NEB: variants seen among roughly 807,000 people sequenced by gnomAD.
NEB encodes nemaline myopathy type 2.
In NEB, 512 loss-of-function variants were observed where a neutral mutation model predicts 952.2. The observed-to-expected ratio is 0.54, with a 90% CI of 0.50 to 0.58. NEB has a LOEUF of 0.58. Ranked by LOEUF, NEB falls within the 20% of genes least tolerant of loss-of-function variation. NEB has a pLI of 0.00. For synonymous variants in NEB, 2,900 were observed against 3,149.8 expected (o/e 0.92, Z 2.66); for missense variants, 8,428 against 9,231.1 (o/e 0.91, Z 3.56).
At chr2:151,515,000 GAAAA>G in intron 157 of NEB, 72 bp from the exon 158 acceptor site, 1 of 837,124 alleles carries the variant, frequency 1.2e-6, no homozygotes, top group Non-Finnish European at 1.8e-6. Context: ...ATCTCAGGAA[GAAAA>G]AAAAAACAGC....
intron 169 of NEB, 94 bp from the exon 170 acceptor site, chr2:151,498,446 G>GTTAAA: frequency 1.3e-6 from 1 of 795,670 alleles, no homozygotes; most frequent in Non-Finnish European, 2.0e-6. Context: ...GGGAGGAAGA[G>GTTAAA]AGTAAGTTAG....
chr2:151,682,241 T>G (rs940939243), intron 29 of NEB, among the ~76,000 whole-genome samples: 1 of 152,168 alleles, frequency 6.6e-6, no homozygotes, highest in Non-Finnish European at 1.5e-5. Flanking sequence ...TTTTGGGGTA[T>G]TGCAGCATTT....
At chr2:151,641,616 C>T (rs1236549727) in intron 60 of NEB, among the ~76,000 whole-genome samples, 1 of 152,150 alleles carries the variant, frequency 6.6e-6, no homozygotes, top group Non-Finnish European at 1.5e-5. Context: ...CAGGTGTGAG[C>T]CATGGTGCCT....
chr2:151,506,102 T>C, intron 164 of NEB, 64 bp downstream of exon 164: 1 of 1,350,670 alleles, frequency 7.4e-7, no homozygotes, highest in South Asian at 1.2e-5. Context: ...GTGCAACTCA[T>C]AGGTCATTGT....
At chr2:151,540,646 CAAAGTATTTT>C (rs1338712901) in intron 137 of NEB, 41 bp downstream of exon 137, 1 of 1,518,558 alleles carries the variant, frequency 6.6e-7, no homozygotes, top group Admixed American at 1.7e-5. Flanking sequence ...AAGGTTTTAA[CAAAGTATTTT>C]TCTTTTTACC....
intron 165 of NEB, among the ~76,000 whole-genome samples, chr2:151,504,677 C>A (rs548306000): frequency 6.6e-6 from 1 of 152,266 alleles, no homozygotes; most frequent in East Asian, 1.9e-4. Flanking sequence ...AAACTATTTC[C>A]CAAACTTCAC....
At chr2:151,691,598 T>C (rs2099551384) in intron 23 of NEB, among the ~76,000 whole-genome samples, 1 of 152,198 alleles carries the variant, frequency 6.6e-6, no homozygotes, top group South Asian at 2.1e-4. Flanking sequence ...ACACTTATCT[T>C]AAATCTGCAT....
chr2:151,546,651 C>T (rs1437866033), intron 133 of NEB, among the ~76,000 whole-genome samples: 2 of 151,624 alleles, frequency 1.3e-5, no homozygotes, highest in East Asian at 3.9e-4. Context: ...CTCCGCCTCC[C>T]GAGTTCAAGC....
chr2:151,663,478 C>T, intron 45 of NEB, 70 bp downstream of exon 45: 1 of 1,425,702 alleles, frequency 7.0e-7, no homozygotes, highest in Non-Finnish European at 9.5e-7. Flanking sequence ...TTCAAAACGT[C>T]ATTGCTTATG....
chr2:151,653,796 C>T (rs1305056071), intron 52 of NEB, among the ~76,000 whole-genome samples, 196 bp downstream of exon 52: 3 of 152,044 alleles, frequency 2.0e-5, no homozygotes, highest in Non-Finnish European at 4.4e-5. Context: ...TCTGGCCCGA[C>T]CTCTATTCAG....
chr2:151,644,735 C>G (rs2098931812), intron 55 of NEB, among the ~76,000 whole-genome samples, 160 bp from the exon 56 acceptor site: 1 of 152,150 alleles, frequency 6.6e-6, no homozygotes, highest in Admixed American at 6.5e-5. Context: ...TGCTAATGAT[C>G]CTGTTTTAAA....
chr2:151,563,989 T>C, intron 117 of NEB, 59 bp from the exon 118 acceptor site: 1 of 1,253,538 alleles, frequency 8.0e-7, no homozygotes, highest in Non-Finnish European at 1.1e-6. Context: ...CAGATACCAC[T>C]AAAACAATTG....
chr2:151,676,368 G>A (rs547642912), intron 34 of NEB, among the ~76,000 whole-genome samples: 3 of 152,104 alleles, frequency 2.0e-5, no homozygotes, highest in East Asian at 1.9e-4. Flanking sequence ...CTTGGATTTC[G>A]GTGACAGCCT....
chr2:151,670,512 C>A (rs2099272900), intron 38 of NEB, among the ~76,000 whole-genome samples: 1 of 146,808 alleles, frequency 6.8e-6, no homozygotes, highest in South Asian at 2.1e-4. Context: ...TGTAAGAGTC[C>A]ATACAGACGT....
chr2:151,512,786 C>G lies in NEB; in HGVS notation c.23293G>C (p.Val7765Leu). 1.2e-6 allele frequency: 2 copies of G among 1,613,868 alleles called. No homozygotes were observed. Among genetic ancestry groups the G allele is most frequent in the Non-Finnish European group, 1.7e-6 (2 of 1,179,844 alleles). ...EMEKANFTSVVDTPEIIHAQQ... is the reference protein window; with the variant it reads ...EMEKANFTSVLDTPEIIHAQQ... ...GCATGAATGATCTCTGGAGTATCAA[C>G]CACAGAAGTGAAATTGGCTTTCTCC... Residue 7765 changes from valine to leucine, a missense_variant, in exon 161 of 182, where the codon GTT becomes CTT. Physicochemically the swap from Val to Leu is conservative, Grantham distance 32. Coordinates refer to ENST00000397345, the MANE Select transcript of NEB (RefSeq NM_001164508.2).
chr2:151,636,175 G>T, intron 64 of NEB, 52 bp downstream of exon 64: 1 of 1,448,900 alleles, frequency 6.9e-7, no homozygotes, highest in Non-Finnish European at 9.5e-7. Flanking sequence ...TTAGTTCAGT[G>T]AAAATGCCAC....
rs2149260644 is a variant in NEB, at chr2:151,694,512, C to T, written c.1782+10G>A. 1.9e-6 allele frequency: 3 copies of T among 1,613,718 alleles called. No homozygotes were observed. Among genetic ancestry groups the T allele is most frequent in the Non-Finnish European group, 1.7e-6 (2 of 1,179,692 alleles). The stretch of plus-strand genomic sequence containing the variant: ...AAGCCAGCCTGTCCAGGTCCCCAGG[C>T]CACACTCACATCGCTGGTGTTCTTG... On this transcript the variant is annotated intron_variant, in intron 19 of 181. Transcript: ENST00000397345.
intron 109 of NEB, 42 bp from the exon 110 acceptor site, chr2:151,569,414 T>C (rs1453121889): frequency 6.8e-7 from 1 of 1,469,094 alleles, no homozygotes; most frequent in South Asian, 1.1e-5. Context: ...ACCCTGGTCA[T>C]GTGGTCCTAG....
At position 151,656,495 on chromosome 2, in the gene NEB, G is replaced by A. The variant is rs2099086642; in HGVS notation, c.6184-31C>T. On this transcript the variant is annotated intron_variant, in intron 48 of 181. Transcript: ENST00000397345. Reference sequence around the variant, plus strand: ...AAGAAAATATGAGTTTTTACACAGAGCAATTCCTTTGACTAAAAATCGATC... The same window carrying A: ...AAGAAAATATGAGTTTTTACACAGAACAATTCCTTTGACTAAAAATCGATC... The A allele has an allele frequency of 2.8e-6, 4 of 1,406,308 alleles. No homozygotes were observed. In the Middle Eastern group the frequency reaches 5.6e-4, roughly 198 times the overall value. The allele number at this position is 1,406,308 out of a possible 1,614,324, so 87.1% of individuals were successfully genotyped here.
Sources: allele counts gnomAD v4.1 joint callset (sites outside exome capture counted in the v4.1 genomes callset), GRCh38; gene constraint gnomAD v4.1.1; transcripts MANE v1.5; gene names NCBI Gene and HGNC (gene_info 2026-07-23, HGNC 2026-07-21).